NME7: variants seen among roughly 807,000 people sequenced by gnomAD.
The protein encoded by NME7 is nucleoside diphosphate kinase 7.
In NME7, 41 loss-of-function variants were observed where a neutral mutation model predicts 49.1. The ratio of observed to expected loss-of-function variants is 0.83; its 90% CI spans 0.65 to 1.08. The LOEUF is 1.08. Among genes scored for constraint, NME7 ranks in the 50% least tolerant of loss-of-function variants. NME7 has a pLI of 0.00. For synonymous variants in NME7, 139 were observed against 150.6 expected, an observed-to-expected ratio of 0.92 and a Z score of 0.56; for missense variants, 423 against 463.4, an observed-to-expected ratio of 0.91 and a Z score of 0.80.
Position 169,237,692 on chromosome 1 carries a change from A to C in NME7, c.755-5T>G. 1 of 1,604,280 alleles carries C rather than the reference A, an allele frequency of 6.2e-7. No individual in the cohort carries two copies. The highest frequency in any genetic ancestry group is 1.3e-5 in the African/African-American group (1 of 74,758). On this transcript the variant is annotated splice_polypyrimidine_tract_variant and splice_region_variant and intron_variant, in intron 7 of 11. Transcript: ENST00000367811. The stretch of plus-strand genomic sequence containing the variant: ...TCAGGATCTTTCCCAACAGTCCTGA[A>C]AATGAAGGACAATGAGTGAAAAAAT...
At chr1:169,256,683 A>G (rs1209962850) in intron 7 of NME7, among the ~76,000 whole-genome samples, 1 of 120,248 alleles carries the variant, frequency 8.3e-6, no homozygotes, top group African/African-American at 2.8e-5. Context: ...TTTTTTCCCC[A>G]TCTTTGTGGT....
chr1:169,225,379 G>A (rs546680460), intron 10 of NME7, among the ~76,000 whole-genome samples: 8 of 152,318 alleles, frequency 5.3e-5, no homozygotes, highest in Admixed American at 1.3e-4. Flanking sequence ...AAAGTGCTGG[G>A]ATAACAGGTG....
chr1:169,263,349 C>T lies in NME7; in HGVS notation c.754+23954G>A, dbSNP rs1280732975. On this transcript the variant is annotated intron_variant, in intron 7 of 11. Coordinates refer to ENST00000367811, the MANE Select transcript of NME7 (RefSeq NM_013330.5). Reference sequence around the variant, plus strand: ...AATGTTGAAACCCAATCCAAGGAAGCTAAGAATCACAATAAAACAATACAG... The same window carrying T: ...AATGTTGAAACCCAATCCAAGGAAGTTAAGAATCACAATAAAACAATACAG... Among the ~76,000 whole-genome samples, 7 of 133,348 alleles carry T rather than the reference C, an allele frequency of 5.2e-5. 3 individuals carry two copies. The highest frequency in any genetic ancestry group is 1.1e-4 in the Non-Finnish European group (6 of 56,798). 87.5% of individuals were successfully genotyped at this position (133,348 alleles called of 152,430 possible).
intron 9 of NME7, among the ~76,000 whole-genome samples, chr1:169,234,369 A>C (rs894173562): frequency 6.6e-6 from 1 of 152,150 alleles, no homozygotes; most frequent in South Asian, 2.1e-4. Flanking sequence ...ATAAGTGTGG[A>C]TCATAGTAAC....
At chr1:169,228,394 C>G (rs1448333796) in intron 10 of NME7, among the ~76,000 whole-genome samples, 1 of 152,026 alleles carries the variant, frequency 6.6e-6, no homozygotes, top group Non-Finnish European at 1.5e-5. Flanking sequence ...AAAAAAAGTA[C>G]AGGCCGGGCA....
At chr1:169,193,304 CT>C (rs1660287512) in intron 10 of NME7, among the ~76,000 whole-genome samples, 1 of 152,146 alleles carries the variant, frequency 6.6e-6, no homozygotes, top group African/African-American at 2.4e-5. Context: ...CAAAGTCTCT[CT>C]TTTTGTCCTT....
chr1:169,195,011 C>G (rs1408885556), intron 10 of NME7, among the ~76,000 whole-genome samples: 2 of 152,198 alleles, frequency 1.3e-5, no homozygotes, highest in African/African-American at 4.8e-5. Flanking sequence ...GGAGAACAGA[C>G]CAGAGACTAA....
chr1:169,254,848 T>C (rs1648841135), intron 7 of NME7, among the ~76,000 whole-genome samples: 1 of 130,480 alleles, frequency 7.7e-6, no homozygotes, highest in Admixed American at 7.5e-5. Flanking sequence ...GAGCAGGTTG[T>C]TCAGTTTCCA....
intron 8 of NME7, 40 bp from the exon 9 acceptor site, chr1:169,235,239 C>T: frequency 9.0e-7 from 1 of 1,105,288 alleles, no homozygotes; most frequent in Non-Finnish European, 1.3e-6. Context: ...CATAAACCAA[C>T]CAACAAAAGG....
intron 11 of NME7, among the ~76,000 whole-genome samples, chr1:169,161,747 C>G (rs1659251769): frequency 6.6e-6 from 1 of 152,154 alleles, no homozygotes. Context: ...CCCTTCCTGG[C>G]TAGGGAACTG....
chr1:169,137,270 C>T (rs1057211588), intron 11 of NME7, among the ~76,000 whole-genome samples: 3 of 152,200 alleles, frequency 2.0e-5, no homozygotes, highest in African/African-American at 7.2e-5. Flanking sequence ...TCTGCTGCTG[C>T]TGTCTTGAAA....
chr1:169,297,408 A>G (rs745805792), intron 6 of NME7, among the ~76,000 whole-genome samples: 28 of 152,202 alleles, frequency 1.8e-4, no homozygotes, highest in Non-Finnish European at 3.7e-4. Context: ...ACTACGGCCT[A>G]TAAGACCATA....
In NME7 at chr1:169,260,034, T is replaced by C. The variant is rs971950892; in HGVS notation, c.755-22347A>G. On this transcript the variant is annotated intron_variant, in intron 7 of 11. Coordinates refer to ENST00000367811, the MANE Select transcript of NME7 (RefSeq NM_013330.5). ...GAAATAACTGGGATGAGTAACTCAC[T>C]TCCTATTTTGCACACATAGAAGTCA... Among the ~76,000 whole-genome samples the C allele has an allele frequency of 3.0e-5, 4 of 133,870 alleles. 1 individual carries two copies. Among genetic ancestry groups the C allele is most frequent in the Non-Finnish European group, 7.0e-5 (4 of 56,870 alleles). The allele number at this position is 133,870 out of a possible 152,430, so 87.8% of individuals were successfully genotyped here.
chr1:169,263,131 G>T (rs1649215058), intron 7 of NME7, among the ~76,000 whole-genome samples: 1 of 133,410 alleles, frequency 7.5e-6, no homozygotes, highest in African/African-American at 2.5e-5. Context: ...AAAACTGGAG[G>T]AATATCAGCC....
At chr1:169,147,463 C>T (rs12145939) in intron 11 of NME7, among the ~76,000 whole-genome samples, 60,084 of 151,976 alleles carry the variant, frequency 0.4, 12,226 homozygotes, top group East Asian at 0.74. Context: ...GCTGTGTGGC[C>T]CTGGGGAAGT....
At chr1:169,159,604 G>A (rs966093633) in intron 11 of NME7, among the ~76,000 whole-genome samples, 2 of 152,104 alleles carry the variant, frequency 1.3e-5, no homozygotes, top group African/African-American at 4.8e-5. Flanking sequence ...CAGAACTTCA[G>A]TGCCATTGTA....
intron 6 of NME7, among the ~76,000 whole-genome samples, chr1:169,292,197 AGAGTT>A (rs1192414981): frequency 2.6e-5 from 4 of 152,174 alleles, no homozygotes; most frequent in South Asian, 2.1e-4. Flanking sequence ...AATGCATCAT[AGAGTT>A]AAGTATAAAA....
At chr1:169,336,207 C>A (rs940048836) in intron 1 of NME7, among the ~76,000 whole-genome samples, 17 of 152,098 alleles carry the variant, frequency 1.1e-4, no homozygotes, top group African/African-American at 3.9e-4. Flanking sequence ...TCGCTGGGCT[C>A]AGGAGTGAAG....
At chr1:169,359,677 CAT>C (rs534435528) in intron 1 of NME7, among the ~76,000 whole-genome samples, 3 of 151,798 alleles carry the variant, frequency 2.0e-5, no homozygotes, top group Admixed American at 2.0e-4. Flanking sequence ...ATATATAAAA[CAT>C]ATATAGCATA....
Sources: gnomAD v4.1 joint callset for allele counts (sites outside exome capture counted in the v4.1 genomes callset) on GRCh38, gnomAD v4.1.1 for gene constraint, MANE v1.5 for transcripts, NCBI Gene and HGNC (gene_info 2026-07-23, HGNC 2026-07-21) for gene names.